Variants in KCNMA1 observed in about 807,000 individuals in gnomAD.
KCNMA1 encodes the protein Calcium-activated potassium channel subunit alpha-1.
Under a neutral mutation model 140.0 loss-of-function variants are expected in KCNMA1, and 29 were observed. That is an observed-to-expected ratio of 0.21 (90% confidence interval 0.15 to 0.28). The LOEUF (loss-of-function observed/expected upper bound fraction) is 0.28, where lower values mean the gene tolerates loss of function less well. Ranked by LOEUF, KCNMA1 falls within the 10% of genes least tolerant of loss-of-function variation. The probability of loss-of-function intolerance (pLI) is 1.00; values close to 1 mark genes in which losing one functional copy is unlikely to be tolerated. For synonymous variants in KCNMA1, 612 were observed against 611.9 expected (o/e 1.00, Z 0.00); for missense variants, 880 against 1,602.2 (o/e 0.55, Z 7.70).
At chr10:77,632,420 A>G (rs1362661817) in intron 1 of KCNMA1, among the ~76,000 whole-genome samples, 1 of 152,064 alleles carries the variant, frequency 6.6e-6, no homozygotes, top group African/African-American at 2.4e-5. Flanking sequence ...GGACAACCAT[A>G]CCTGCCCACC....
At chr10:77,553,188 C>T (rs2063283788) in intron 1 of KCNMA1, among the ~76,000 whole-genome samples, 1 of 152,248 alleles carries the variant, frequency 6.6e-6, no homozygotes, top group Non-Finnish European at 1.5e-5. Flanking sequence ...CAGTATCATT[C>T]CTTTATTGAG....
chr10:77,422,152 C>T (rs933132152), intron 1 of KCNMA1, among the ~76,000 whole-genome samples: 5 of 152,194 alleles, frequency 3.3e-5, no homozygotes. Context: ...AAATATCTGC[C>T]AGTGTCCAAG....
intron 2 of KCNMA1, among the ~76,000 whole-genome samples, chr10:77,279,359 A>G (rs1039327018): frequency 2.0e-5 from 3 of 152,204 alleles, no homozygotes; most frequent in Admixed American, 6.5e-5. Flanking sequence ...CACTTGCTGC[A>G]GCGGAAGTGA....
chr10:77,128,583 A>C (rs1385121283), intron 5 of KCNMA1, among the ~76,000 whole-genome samples: 2 of 152,066 alleles, frequency 1.3e-5, no homozygotes, highest in African/African-American at 4.8e-5. Context: ...GGGAGTATTA[A>C]GGCTCCAGAG....
intron 1 of KCNMA1, among the ~76,000 whole-genome samples, chr10:77,601,935 A>G (rs1001940972): frequency 6.6e-6 from 1 of 152,246 alleles, no homozygotes; most frequent in African/African-American, 2.4e-5. Flanking sequence ...GCAGGAGTCC[A>G]GCTCCAGCTC....
At chr10:77,035,041 C>T (rs559515810) in intron 15 of KCNMA1, among the ~76,000 whole-genome samples, 2 of 152,138 alleles carry the variant, frequency 1.3e-5, no homozygotes, top group African/African-American at 4.8e-5. Flanking sequence ...AGTGCACCCT[C>T]GCTTTCGCAA....
intron 5 of KCNMA1, among the ~76,000 whole-genome samples, chr10:77,179,484 G>A (rs1365989487): frequency 1.3e-5 from 2 of 152,140 alleles, no homozygotes; most frequent in African/African-American, 4.8e-5. Context: ...AGAGGAGCCA[G>A]GAGAACACGG....
At chr10:77,035,764 A>G (rs890308574) in intron 15 of KCNMA1, among the ~76,000 whole-genome samples, 2 of 152,198 alleles carry the variant, frequency 1.3e-5, no homozygotes, top group African/African-American at 4.8e-5. Context: ...ATTATATTCA[A>G]TGAGAAAGAT....
intron 2 of KCNMA1, among the ~76,000 whole-genome samples, chr10:77,260,350 C>T (rs934375190): frequency 6.6e-6 from 1 of 152,126 alleles, no homozygotes; most frequent in Admixed American, 6.6e-5. Context: ...TGGCAGGAGC[C>T]TGGAGAAAAC....
intron 1 of KCNMA1, among the ~76,000 whole-genome samples, chr10:77,417,106 C>T (rs750892788): frequency 6.6e-6 from 1 of 152,168 alleles, no homozygotes; most frequent in Non-Finnish European, 1.5e-5. Context: ...CCATTGCTCC[C>T]CAACCATCTT....
At chr10:77,414,164 G>A (rs1418671467) in intron 1 of KCNMA1, among the ~76,000 whole-genome samples, 1 of 152,116 alleles carries the variant, frequency 6.6e-6, no homozygotes, top group African/African-American at 2.4e-5. Flanking sequence ...CACTCCCCAA[G>A]GTCTGTCCAG....
At chr10:77,346,825 T>C (rs1476587784) in intron 2 of KCNMA1, among the ~76,000 whole-genome samples, 3 of 152,218 alleles carry the variant, frequency 2.0e-5, no homozygotes, top group Admixed American at 1.3e-4. Context: ...ACTTCTGCCA[T>C]ATTCTTCTGG....
chr10:77,239,036 G>T (rs1027130507), intron 3 of KCNMA1, among the ~76,000 whole-genome samples: 1 of 152,116 alleles, frequency 6.6e-6, no homozygotes, highest in Non-Finnish European at 1.5e-5. Context: ...CACCCTCCTT[G>T]TCTACTCCTC....
At chr10:76,984,099 C>T (rs2080443585) in intron 19 of KCNMA1, among the ~76,000 whole-genome samples, 1 of 152,178 alleles carries the variant, frequency 6.6e-6, no homozygotes, top group Non-Finnish European at 1.5e-5. Flanking sequence ...AACAGAAACT[C>T]TGATCCTGTT....
At chr10:77,283,356 G>C (rs1188108001) in intron 2 of KCNMA1, among the ~76,000 whole-genome samples, 1 of 152,202 alleles carries the variant, frequency 6.6e-6, no homozygotes, top group Non-Finnish European at 1.5e-5. Flanking sequence ...AAGGAGGCAG[G>C]GTTTCATTTC....
At chr10:76,916,873 A>G (rs1303594137) in intron 23 of KCNMA1, among the ~76,000 whole-genome samples, 1 of 152,224 alleles carries the variant, frequency 6.6e-6, no homozygotes, top group Non-Finnish European at 1.5e-5. Context: ...TCTCCCGTGT[A>G]TACATTTCTT....
At chr10:77,366,659 T>G (rs1304138989) in intron 2 of KCNMA1, among the ~76,000 whole-genome samples, 1 of 152,186 alleles carries the variant, frequency 6.6e-6, no homozygotes, top group Non-Finnish European at 1.5e-5. Flanking sequence ...ATGGTGATAC[T>G]GGGGAGATAT....
chr10:77,219,612 T>C (rs1209664001), intron 3 of KCNMA1, among the ~76,000 whole-genome samples: 1 of 152,180 alleles, frequency 6.6e-6, no homozygotes, highest in African/African-American at 2.4e-5. Context: ...TTGTTGTTGT[T>C]GTTCGTTTTG....
Position 77,177,348 on chromosome 10 carries a change from T to C in KCNMA1, c.808+6073A>G, listed in dbSNP as rs537128738. 4.6e-5 allele frequency among the ~76,000 whole-genome samples: 7 copies of C among 150,944 alleles called. No homozygotes were observed. The East Asian group carries it at 1.4e-3, about 29-fold the overall frequency. Reference sequence around the variant, plus strand: ...TATTTTCCTTCCTTCCTTTCTTCCTTCCTTTCCTTCCTTGCTTCCTTTCTT... The same window carrying C: ...TATTTTCCTTCCTTCCTTTCTTCCTCCCTTTCCTTCCTTGCTTCCTTTCTT... On this transcript the variant is annotated intron_variant, in intron 5 of 27. Transcript: ENST00000286628.
Sources: gnomAD v4.1 joint callset for allele counts (sites outside exome capture counted in the v4.1 genomes callset) on GRCh38, gnomAD v4.1.1 for gene constraint, MANE v1.5 for transcripts, NCBI Gene and HGNC (gene_info 2026-07-23, HGNC 2026-07-21) for gene names.